Variants in KLF12 observed in about 807,000 individuals in gnomAD.
The protein encoded by KLF12 is Krueppel-like factor 12.
KLF12 carries 9 observed loss-of-function variants against 37.8 expected under a neutral mutation model. The observed-to-expected ratio is 0.24, with a 90% confidence interval of 0.14 to 0.42. The LOEUF is 0.42. Among genes scored for constraint, KLF12 ranks in the 10% least tolerant of loss-of-function variants. The probability of loss-of-function intolerance (pLI) is 1.00; values close to 1 mark genes in which losing one functional copy is unlikely to be tolerated. For missense variants in KLF12, 411 were observed against 516.0 expected, an observed-to-expected ratio of 0.80 and a Z score of 1.97; for synonymous variants, 208 against 202.1, an observed-to-expected ratio of 1.03 and a Z score of -0.25.
intron 6 of KLF12, among the ~76,000 whole-genome samples, chr13:73,726,364 T>C (rs936732285): frequency 6.6e-6 from 1 of 152,210 alleles, no homozygotes; most frequent in African/African-American, 2.4e-5. Context: ...CATATTGTTA[T>C]ACAATCATTA....
chr13:73,793,416 A>G (rs1403370757), intron 5 of KLF12, among the ~76,000 whole-genome samples: 2 of 152,226 alleles, frequency 1.3e-5, no homozygotes, highest in Admixed American at 6.5e-5. Flanking sequence ...AAACACTTCT[A>G]TAAGACCTAG....
chr13:74,278,594 A>G, the KLF12 span, among the ~76,000 whole-genome samples: 5 of 152,154 alleles, frequency 3.3e-5, no homozygotes, highest in East Asian at 9.6e-4. Context: ...TTGTTCCTTA[A>G]AAACCCCCTC....
intron 1 of KLF12, among the ~76,000 whole-genome samples, chr13:74,085,945 G>C (rs1875261481): frequency 6.6e-6 from 1 of 151,728 alleles, no homozygotes. Context: ...AAAAACTGCA[G>C]TAAATTTTAA....
intron 1 of KLF12, among the ~76,000 whole-genome samples, chr13:74,020,318 G>A (rs1363468986): frequency 1.3e-5 from 2 of 152,170 alleles, no homozygotes. Flanking sequence ...TCACAGCTGT[G>A]CTGAAGAAAG....
chr13:74,058,198 C>T (rs956403932), intron 1 of KLF12, among the ~76,000 whole-genome samples: 5 of 151,784 alleles, frequency 3.3e-5, no homozygotes, highest in African/African-American at 1.2e-4. Context: ...AACTCCTGAC[C>T]TCAACTGATC....
chr13:73,814,429 C>T (rs1211093908), intron 4 of KLF12, among the ~76,000 whole-genome samples: 3 of 152,130 alleles, frequency 2.0e-5, no homozygotes, highest in East Asian at 1.9e-4. Flanking sequence ...ATGGCAACTT[C>T]GGATGATTGT....
At chr13:73,924,350 C>T (rs963842966) in intron 3 of KLF12, among the ~76,000 whole-genome samples, 1 of 152,148 alleles carries the variant, frequency 6.6e-6, no homozygotes, top group Non-Finnish European at 1.5e-5. Flanking sequence ...AGCATGTGCT[C>T]ACTTTGTGTC....
At chr13:74,052,299 A>T (rs1420802538) in intron 1 of KLF12, among the ~76,000 whole-genome samples, 1 of 149,594 alleles carries the variant, frequency 6.7e-6, no homozygotes, top group Non-Finnish European at 1.5e-5. Flanking sequence ...TCTCCAAAAA[A>T]ACTGGGCCAC....
At chr13:74,151,313 A>G in the KLF12 span, among the ~76,000 whole-genome samples, 68,614 of 152,026 alleles carry the variant, frequency 0.45, 16,235 homozygotes, top group East Asian at 0.79. Context: ...AAATATGATT[A>G]AGCATTTTGT....
intron 3 of KLF12, among the ~76,000 whole-genome samples, chr13:73,885,090 T>G (rs1251967564): frequency 6.6e-6 from 1 of 152,226 alleles, no homozygotes; most frequent in Non-Finnish European, 1.5e-5. Context: ...TAATCTCACA[T>G]GTCAATACGT....
At chr13:73,987,718 G>A (rs1891861691) in intron 2 of KLF12, among the ~76,000 whole-genome samples, 1 of 136,768 alleles carries the variant, frequency 7.3e-6, no homozygotes, top group African/African-American at 2.7e-5. Context: ...GAGAAAGTGG[G>A]GGGGTAGAGG....
chr13:74,189,810 C>A, the KLF12 span, among the ~76,000 whole-genome samples: 1 of 151,700 alleles, frequency 6.6e-6, no homozygotes, highest in African/African-American at 2.4e-5. Flanking sequence ...AAATTGTTTT[C>A]GACTAGTTGA....
chr13:73,865,429 T>C (rs1886124748), intron 3 of KLF12, among the ~76,000 whole-genome samples: 1 of 152,146 alleles, frequency 6.6e-6, no homozygotes, highest in African/African-American at 2.4e-5. Flanking sequence ...AGATTAAATT[T>C]GTAAAAGTGC....
the KLF12 span, among the ~76,000 whole-genome samples, chr13:74,249,279 T>C: frequency 0.011 from 1,681 of 151,762 alleles, 11 homozygotes; most frequent in Admixed American, 0.023. Context: ...TTGATACTTT[T>C]AGTAAATGTC....
chr13:74,054,623 T>C lies in KLF12; in HGVS notation c.-31-59570A>G, dbSNP rs75877310. Among the ~76,000 whole-genome samples, 287 of 152,318 alleles carry C rather than the reference T, an allele frequency of 1.9e-3. 1 individual carries two copies. The highest frequency in any genetic ancestry group is 6.5e-3 in the African/African-American group (271 of 41,588). On this transcript the variant is annotated intron_variant, in intron 1 of 7. Transcript: ENST00000377669. ...TGCAGGAGCACATAAGCTTCTAAGATCAGAATCCAGGGCCATTCTCACAAC... is the reference window on the plus strand; with the variant it reads ...TGCAGGAGCACATAAGCTTCTAAGACCAGAATCCAGGGCCATTCTCACAAC...
At chr13:74,184,304 ATATAGT>A in the KLF12 span, among the ~76,000 whole-genome samples, 1 of 152,250 alleles carries the variant, frequency 6.6e-6, no homozygotes, top group African/African-American at 2.4e-5. Flanking sequence ...GATAATTAAA[ATATAGT>A]TATAATCTCA....
chr13:74,043,307 G>A (rs1893456985), intron 1 of KLF12, among the ~76,000 whole-genome samples: 1 of 152,160 alleles, frequency 6.6e-6, no homozygotes, highest in Non-Finnish European at 1.5e-5. Flanking sequence ...GAGTAAATAT[G>A]GTTATGGGGA....
At chr13:74,145,976 AAAG>A in the KLF12 span, among the ~76,000 whole-genome samples, 2 of 152,184 alleles carry the variant, frequency 1.3e-5, no homozygotes, top group Non-Finnish European at 2.9e-5. Context: ...TTCAAATCTA[AAAG>A]AAGGTTTTAT....
chr13:73,849,881 C>T (rs1403911926), intron 3 of KLF12, among the ~76,000 whole-genome samples: 1 of 151,982 alleles, frequency 6.6e-6, no homozygotes, highest in Non-Finnish European at 1.5e-5. Flanking sequence ...CTGTTGATGT[C>T]CCTGGTATGA....
Sources: allele counts gnomAD v4.1 joint callset (sites outside exome capture counted in the v4.1 genomes callset), GRCh38; gene constraint gnomAD v4.1.1; transcripts MANE v1.5; gene names NCBI Gene and HGNC (gene_info 2026-07-23, HGNC 2026-07-21).